Variants in SGCZ observed in about 807,000 individuals in gnomAD.
SGCZ encodes zeta-sarcoglycan.
SGCZ carries 40 observed loss-of-function variants against 41.3 expected under a neutral mutation model. That is an observed-to-expected ratio of 0.97 (90% confidence interval 0.75 to 1.26). SGCZ has a LOEUF of 1.26. Ranked by LOEUF, SGCZ falls within the 50% of genes most tolerant of loss-of-function variation. The pLI is 0.00. For synonymous variants in SGCZ, 206 were observed against 137.5 expected, an observed-to-expected ratio of 1.50 and a Z score of -3.49; for missense variants, 552 against 369.8, an observed-to-expected ratio of 1.49 and a Z score of -4.04.
chr8:14,337,728 T>A (rs1802553225), intron 2 of SGCZ, among the ~76,000 whole-genome samples: 1 of 152,070 alleles, frequency 6.6e-6, no homozygotes, highest in East Asian at 1.9e-4. Context: ...TCAAGGCCAT[T>A]AAAAATTCTG....
chr8:14,744,790 C>T (rs1388860216), intron 1 of SGCZ, among the ~76,000 whole-genome samples: 1 of 152,154 alleles, frequency 6.6e-6, no homozygotes, highest in African/African-American at 2.4e-5. Flanking sequence ...ATTCATTCCA[C>T]ATGGCAATTA....
chr8:14,302,289 C>G (rs1304416982), intron 3 of SGCZ, among the ~76,000 whole-genome samples: 1 of 152,110 alleles, frequency 6.6e-6, no homozygotes, highest in Non-Finnish European at 1.5e-5. Flanking sequence ...GAAATTTTCT[C>G]TTGAATTGAT....
chr8:14,587,576 C>A (rs1292593073), intron 1 of SGCZ, among the ~76,000 whole-genome samples: 3 of 152,162 alleles, frequency 2.0e-5, no homozygotes, highest in African/African-American at 7.2e-5. Flanking sequence ...ACAGCACATG[C>A]TGTTTTGCTT....
chr8:14,758,646 T>C (rs1447201671), intron 1 of SGCZ, among the ~76,000 whole-genome samples: 1 of 152,222 alleles, frequency 6.6e-6, no homozygotes, highest in African/African-American at 2.4e-5. Flanking sequence ...TGGTGCACAG[T>C]CAAATAATAT....
intron 2 of SGCZ, among the ~76,000 whole-genome samples, chr8:14,443,687 A>C (rs563186957): frequency 1.6e-3 from 239 of 152,346 alleles, no homozygotes; most frequent in Admixed American, 3.1e-3. Context: ...CTGAAACGTT[A>C]GACCTAAAAC....
chr8:15,051,337 G>A (rs935379339), intron 1 of SGCZ, among the ~76,000 whole-genome samples: 15 of 152,130 alleles, frequency 9.9e-5, no homozygotes, highest in African/African-American at 3.6e-4. Context: ...ATTTATCCTT[G>A]TTGTTTATCT....
intron 5 of SGCZ, among the ~76,000 whole-genome samples, chr8:14,117,387 G>C (rs1260790602): frequency 7.9e-6 from 1 of 127,286 alleles, no homozygotes; most frequent in Non-Finnish European, 1.6e-5. Flanking sequence ...AGCTTAAATT[G>C]TGACACTGAG....
chr8:14,152,187 T>G (rs1803730209), intron 5 of SGCZ, among the ~76,000 whole-genome samples: 1 of 150,638 alleles, frequency 6.6e-6, no homozygotes, highest in Non-Finnish European at 1.5e-5. Context: ...ATATATATCC[T>G]ATAGAGGACT....
At chr8:14,153,090 GTCT>G (rs1803759518) in intron 5 of SGCZ, among the ~76,000 whole-genome samples, 2 of 152,118 alleles carry the variant, frequency 1.3e-5, no homozygotes, top group African/African-American at 2.4e-5. Flanking sequence ...ACTGTTCTGT[GTCT>G]TAACTGGATC....
At chr8:15,177,084 G>C (rs1221425983) in intron 1 of SGCZ, among the ~76,000 whole-genome samples, 3 of 152,198 alleles carry the variant, frequency 2.0e-5, no homozygotes, top group Non-Finnish European at 4.4e-5. Context: ...CATTATTCTA[G>C]GGAAGAAATT....
chr8:14,941,754 G>T (rs544707082), intron 1 of SGCZ, among the ~76,000 whole-genome samples: 5 of 151,350 alleles, frequency 3.3e-5, no homozygotes, highest in Admixed American at 2.6e-4. Context: ...TTGATTTTTT[G>T]CATAAAACAG....
At chr8:14,669,385 G>GTAAGTAAGTAAATAAATAAATAAA (rs1465447907) in intron 1 of SGCZ, among the ~76,000 whole-genome samples, 23 of 55,120 alleles carry the variant, frequency 4.2e-4, no homozygotes, top group African/African-American at 3.6e-3. Flanking sequence ...AAGTAAGTAA[G>GTAAGTAAGTAAATAAATAAATAAA]TAAATAAATA....
intron 1 of SGCZ, among the ~76,000 whole-genome samples, chr8:14,873,797 A>G (rs1804250774): frequency 1.3e-5 from 2 of 152,188 alleles, no homozygotes; most frequent in South Asian, 4.1e-4. Flanking sequence ...AACCTTGGCC[A>G]GATGTATACC....
chr8:14,996,275 G>A (rs556187503), intron 1 of SGCZ, among the ~76,000 whole-genome samples: 60 of 152,232 alleles, frequency 3.9e-4, no homozygotes, highest in Admixed American at 1.8e-3. Flanking sequence ...ATTCTGAACC[G>A]CATGAAACCA....
chr8:14,351,352 T>G (rs182144879), intron 2 of SGCZ, among the ~76,000 whole-genome samples: 1 of 152,178 alleles, frequency 6.6e-6, no homozygotes, highest in East Asian at 1.9e-4. Flanking sequence ...TGGCCTAGTC[T>G]AGCATGGATA....
At chr8:14,154,041 C>G (rs544365579) in intron 5 of SGCZ, among the ~76,000 whole-genome samples, 1 of 152,118 alleles carries the variant, frequency 6.6e-6, no homozygotes, top group East Asian at 1.9e-4. Context: ...ATGTTGGCAC[C>G]CTGATCTCGA....
intron 1 of SGCZ, among the ~76,000 whole-genome samples, chr8:14,801,022 T>C (rs919244032): frequency 2.0e-5 from 3 of 152,230 alleles, no homozygotes; most frequent in African/African-American, 7.2e-5. Context: ...ACTTTATAAC[T>C]ATAATTTCAA....
intron 3 of SGCZ, 81 bp from the exon 4 acceptor site, chr8:14,237,760 A>G: frequency 7.7e-7 from 1 of 1,296,604 alleles, no homozygotes; most frequent in East Asian, 2.4e-5. Context: ...ATTTGTTTGG[A>G]TATTCTGAAA....
chr8:15,145,934 T>C (rs1207572835), intron 1 of SGCZ, among the ~76,000 whole-genome samples: 2 of 152,076 alleles, frequency 1.3e-5, no homozygotes, highest in Admixed American at 1.3e-4. Flanking sequence ...AATAAAACTG[T>C]ATAAACTCCA....
Sources: allele counts gnomAD v4.1 joint callset (sites outside exome capture counted in the v4.1 genomes callset), GRCh38; gene constraint gnomAD v4.1.1; transcripts MANE v1.5; gene names NCBI Gene and HGNC (gene_info 2026-07-23, HGNC 2026-07-21).